Variants in CSNK2A2IP observed in about 807,000 individuals in gnomAD.
CSNK2A2IP encodes the protein casein kinase 2 subunit alpha' interacting protein, also known as casein kinase II subunit alpha'-interacting protein.
the CSNK2A2IP span, among the ~76,000 whole-genome samples, chr3:88,454,475 A>C: frequency 6.6e-6 from 1 of 151,900 alleles, no homozygotes. Context: ...TTGGTTTCAC[A>C]TCTAAAAATC....
chr3:88,402,422 C>T, the CSNK2A2IP span, among the ~76,000 whole-genome samples: 12 of 151,994 alleles, frequency 7.9e-5, no homozygotes, highest in African/African-American at 2.9e-4. Flanking sequence ...GGATTTACTT[C>T]AGAAAAACTC....
the CSNK2A2IP span, among the ~76,000 whole-genome samples, chr3:88,390,826 G>A: frequency 1.6e-4 from 24 of 152,262 alleles, no homozygotes; most frequent in African/African-American, 5.8e-4. Context: ...TTTTGTTAGT[G>A]TTGCATATGT....
chr3:88,389,676 G>C, the CSNK2A2IP span, among the ~76,000 whole-genome samples: 1 of 152,142 alleles, frequency 6.6e-6, no homozygotes, highest in African/African-American at 2.4e-5. Context: ...GGAGCTTCTC[G>C]TGGCTTGCAC....
At chr3:88,385,500 T>C in the CSNK2A2IP span, among the ~76,000 whole-genome samples, 4 of 136,414 alleles carry the variant, frequency 2.9e-5, no homozygotes, top group African/African-American at 4.9e-5. Context: ...AGTAAACAAC[T>C]ATGAAATAAC....
the CSNK2A2IP span, among the ~76,000 whole-genome samples, chr3:88,436,658 AGCTGAT>A: frequency 1.3e-5 from 2 of 152,176 alleles, no homozygotes; most frequent in Non-Finnish European, 2.9e-5. Context: ...GACTGTTTGA[AGCTGAT>A]GAGCTATAGC....
the CSNK2A2IP span, among the ~76,000 whole-genome samples, chr3:88,458,003 A>G: frequency 1.5e-4 from 23 of 152,006 alleles, no homozygotes; most frequent in African/African-American, 5.5e-4. Context: ...TCTTTCAAGA[A>G]ATATCTCTCT....
At chr3:88,400,895 C>T in the CSNK2A2IP span, among the ~76,000 whole-genome samples, 1 of 152,012 alleles carries the variant, frequency 6.6e-6, no homozygotes, top group Non-Finnish European at 1.5e-5. Context: ...GTTCATGATG[C>T]AGAGGGAGAA....
At chr3:88,467,356 G>A in the CSNK2A2IP span, 1 of 397,126 alleles carries the variant, frequency 2.5e-6, no homozygotes, top group Non-Finnish European at 4.4e-6. Flanking sequence ...CTCACGTCCT[G>A]TATTCCGTAA....
the CSNK2A2IP span, among the ~76,000 whole-genome samples, chr3:88,407,198 C>T: frequency 5.4e-5 from 8 of 147,296 alleles, no homozygotes; most frequent in African/African-American, 1.5e-4. Context: ...AGTGGAATTA[C>T]TTACTCTATC....
At chr3:88,387,676 G>A in the CSNK2A2IP span, among the ~76,000 whole-genome samples, 2 of 152,112 alleles carry the variant, frequency 1.3e-5, no homozygotes, top group East Asian at 1.9e-4. Context: ...AATATTTTAA[G>A]TATATTTCTA....
chr3:88,408,315 G>A, the CSNK2A2IP span, among the ~76,000 whole-genome samples: 5 of 151,388 alleles, frequency 3.3e-5, no homozygotes, highest in South Asian at 8.3e-4. Context: ...CCCTCATTTA[G>A]TTTCTAATGG....
chr3:88,350,548 TCTGTG>T, the CSNK2A2IP span, among the ~76,000 whole-genome samples: 10 of 151,526 alleles, frequency 6.6e-5, no homozygotes, highest in Non-Finnish European at 1.3e-4. Flanking sequence ...TATTGCACTG[TCTGTG>T]CAATTGTTGG....
chr3:88,435,244 C>T, the CSNK2A2IP span, among the ~76,000 whole-genome samples: 1 of 152,142 alleles, frequency 6.6e-6, no homozygotes, highest in Non-Finnish European at 1.5e-5. Flanking sequence ...TTTTGTCCTC[C>T]ACTCCCTGGG....
the CSNK2A2IP span, among the ~76,000 whole-genome samples, chr3:88,399,352 T>C: frequency 6.6e-6 from 1 of 152,120 alleles, no homozygotes; most frequent in Admixed American, 6.6e-5. Context: ...AATATATATG[T>C]CACCAATATA....
the CSNK2A2IP span, among the ~76,000 whole-genome samples, chr3:88,441,592 T>G: frequency 2.6e-5 from 4 of 152,182 alleles, no homozygotes; most frequent in Admixed American, 2.6e-4. Flanking sequence ...TTGAACATTC[T>G]TATGCATTTT....
chr3:88,465,526 C>A, the CSNK2A2IP span: 1 of 1,231,682 alleles, frequency 8.1e-7, no homozygotes, highest in Non-Finnish European at 1.0e-6. Context: ...TGCAGTACCT[C>A]CACTGGGCTC....
chr3:88,463,170 A>G, the CSNK2A2IP span, among the ~76,000 whole-genome samples: 2 of 152,168 alleles, frequency 1.3e-5, no homozygotes, highest in African/African-American at 4.8e-5. Context: ...AAACACAGAA[A>G]GAGTCATGGA....
the CSNK2A2IP span, among the ~76,000 whole-genome samples, chr3:88,424,145 T>A: frequency 1.3e-5 from 2 of 152,170 alleles, no homozygotes; most frequent in African/African-American, 2.4e-5. Flanking sequence ...GCCTAATTTT[T>A]CCTATAAAAT....
At chr3:88,373,568 C>T in the CSNK2A2IP span, among the ~76,000 whole-genome samples, 4 of 144,422 alleles carry the variant, frequency 2.8e-5, no homozygotes, top group Non-Finnish European at 6.1e-5. Context: ...CTTTCATGGG[C>T]TGGAGAAAGA....
Sources: gnomAD v4.1 joint callset for allele counts (sites outside exome capture counted in the v4.1 genomes callset) on GRCh38, gnomAD v4.1.1 for gene constraint, MANE v1.5 for transcripts, NCBI Gene and HGNC (gene_info 2026-07-23, HGNC 2026-07-21) for gene names.